SGCZ: variants seen among roughly 807,000 people sequenced by gnomAD.
SGCZ encodes the protein zeta-sarcoglycan.
Under a neutral mutation model 41.3 loss-of-function variants are expected in SGCZ, and 40 were observed. The observed-to-expected ratio is 0.97, with a 90% CI of 0.75 to 1.26. The LOEUF is 1.26. Among genes scored for constraint, SGCZ ranks in the 50% most tolerant of loss-of-function variants. The pLI, the probability that SGCZ is intolerant of heterozygous loss-of-function variation, is 0.00. For synonymous variants in SGCZ, 206 were observed against 137.5 expected, an observed-to-expected ratio of 1.50 and a Z score of -3.49; for missense variants, 552 against 369.8, an observed-to-expected ratio of 1.49 and a Z score of -4.04.
At chr8:14,848,583 A>C (rs1803214580) in intron 1 of SGCZ, among the ~76,000 whole-genome samples, 3 of 152,240 alleles carry the variant, frequency 2.0e-5, no homozygotes, top group Admixed American at 2.0e-4. Flanking sequence ...AAAGATGCAA[A>C]GGTATTTCCA....
intron 4 of SGCZ, among the ~76,000 whole-genome samples, chr8:14,225,240 A>C (rs1806332087): frequency 6.6e-6 from 1 of 152,102 alleles, no homozygotes; most frequent in Non-Finnish European, 1.5e-5. Context: ...AGCAGAGGTG[A>C]CCTATTTAAT....
intron 1 of SGCZ, among the ~76,000 whole-genome samples, chr8:14,798,763 T>G (rs1184212426): frequency 6.6e-6 from 1 of 152,098 alleles, no homozygotes; most frequent in Non-Finnish European, 1.5e-5. Context: ...TAAGACAGCA[T>G]GTACCTAAAT....
chr8:14,093,205 A>G (rs925330274), intron 7 of SGCZ, among the ~76,000 whole-genome samples: 4 of 152,032 alleles, frequency 2.6e-5, no homozygotes, highest in African/African-American at 4.8e-5. Context: ...GCCCTCCCTC[A>G]TCTAAATTCC....
At chr8:14,941,246 G>A (rs972199627) in intron 1 of SGCZ, among the ~76,000 whole-genome samples, 5 of 152,000 alleles carry the variant, frequency 3.3e-5, no homozygotes, top group African/African-American at 1.2e-4. Context: ...ATACCATTTA[G>A]GGGGAACTAT....
At chr8:14,518,291 C>A (rs535441981) in intron 2 of SGCZ, among the ~76,000 whole-genome samples, 1 of 152,078 alleles carries the variant, frequency 6.6e-6, no homozygotes, top group South Asian at 2.1e-4. Context: ...AAGAAAATGA[C>A]ATATTCTAAT....
rs576552059 is a variant in SGCZ at position 14,835,548 on chromosome 8, G to C, written c.40-280622C>G. Reference sequence around the variant, plus strand: ...AGCATCTCTCCAACCTTGACACACCGCTTACCTGCTTTTCCAGATCATTAA... The same window carrying C: ...AGCATCTCTCCAACCTTGACACACCCCTTACCTGCTTTTCCAGATCATTAA... On this transcript the variant is annotated intron_variant, in intron 1 of 7. Coordinates refer to ENST00000382080, the MANE Select transcript of SGCZ (RefSeq NM_139167.4). Among the ~76,000 whole-genome samples, 37 of 152,230 alleles carry C rather than the reference G, an allele frequency of 2.4e-4. 1 individual carries two copies. Among genetic ancestry groups the C allele is most frequent in the Admixed American group, 1.3e-3 (20 of 15,290 alleles).
At chr8:14,744,768 A>G (rs1447706572) in intron 1 of SGCZ, among the ~76,000 whole-genome samples, 1 of 152,182 alleles carries the variant, frequency 6.6e-6, no homozygotes, top group Non-Finnish European at 1.5e-5. Flanking sequence ...AATACCTTTC[A>G]GTCATTCATT....
intron 4 of SGCZ, among the ~76,000 whole-genome samples, chr8:14,174,328 T>C (rs957917817): frequency 2.0e-5 from 3 of 152,164 alleles, no homozygotes; most frequent in African/African-American, 7.2e-5. Context: ...ATGCATGTAG[T>C]CACATGTACA....
chr8:14,612,573 T>G (rs1377701588), intron 1 of SGCZ, among the ~76,000 whole-genome samples: 1 of 152,180 alleles, frequency 6.6e-6, no homozygotes, highest in Admixed American at 6.5e-5. Context: ...AGAACCTAGA[T>G]TATTTTCCCC....
At chr8:14,354,963 G>C (rs1803241718) in intron 2 of SGCZ, among the ~76,000 whole-genome samples, 1 of 151,788 alleles carries the variant, frequency 6.6e-6, no homozygotes, top group Non-Finnish European at 1.5e-5. Flanking sequence ...AGTTTTCTTA[G>C]TTCAATATTA....
rs145676178 is a variant in SGCZ, at chr8:14,579,903, T to A, written c.40-24977A>T. 6.0e-3 allele frequency among the ~76,000 whole-genome samples: 910 copies of A among 152,250 alleles called. 11 individuals are homozygous for A. The highest frequency in any genetic ancestry group is 0.021 in the African/African-American group (865 of 41,550). On this transcript the variant is annotated intron_variant, in intron 1 of 7. Coordinates refer to ENST00000382080, the MANE Select transcript of SGCZ (RefSeq NM_139167.4). ...AAGTTCCCCTGAGTCTAAGCAGATG[T>A]TTTATGTGCCAGAGAGTGTGAAGGT...
intron 1 of SGCZ, among the ~76,000 whole-genome samples, chr8:15,115,554 A>G (rs984608181): frequency 1.3e-5 from 2 of 152,244 alleles, no homozygotes; most frequent in African/African-American, 4.8e-5. Flanking sequence ...ACTTGAATTG[A>G]AAACATATGT....
chr8:14,484,471 G>T (rs1436235294), intron 2 of SGCZ, among the ~76,000 whole-genome samples: 3 of 151,894 alleles, frequency 2.0e-5, no homozygotes, highest in Non-Finnish European at 4.4e-5. Context: ...AACTTGCATT[G>T]ATGTGATTTT....
At chr8:14,707,348 A>C (rs1809366236) in intron 1 of SGCZ, among the ~76,000 whole-genome samples, 1 of 152,044 alleles carries the variant, frequency 6.6e-6, no homozygotes, top group African/African-American at 2.4e-5. Context: ...GCCATTAGAA[A>C]ATTTAACAAA....
chr8:14,609,748 G>T (rs1805866255), intron 1 of SGCZ, among the ~76,000 whole-genome samples: 1 of 152,120 alleles, frequency 6.6e-6, no homozygotes, highest in Admixed American at 6.6e-5. Context: ...TGATAAAGGT[G>T]CTTTCTAAAA....
intron 2 of SGCZ, among the ~76,000 whole-genome samples, chr8:14,341,175 T>C (rs913098015): frequency 1.3e-5 from 2 of 152,220 alleles, no homozygotes; most frequent in Admixed American, 6.5e-5. Flanking sequence ...TTTGTTTATC[T>C]GTCAATGAGC....
At chr8:14,929,270 C>G (rs574871115) in intron 1 of SGCZ, among the ~76,000 whole-genome samples, 69 of 152,256 alleles carry the variant, frequency 4.5e-4, no homozygotes, top group African/African-American at 1.7e-3. Context: ...GGATTACAGG[C>G]GTGAACCACT....
At chr8:15,020,658 T>A (rs1475256268) in intron 1 of SGCZ, among the ~76,000 whole-genome samples, 1 of 152,202 alleles carries the variant, frequency 6.6e-6, no homozygotes, top group East Asian at 1.9e-4. Context: ...CATGCTCCTT[T>A]CTAATAGAGT....
At chr8:14,527,186 A>G (rs1274058701) in intron 2 of SGCZ, among the ~76,000 whole-genome samples, 1 of 152,208 alleles carries the variant, frequency 6.6e-6, no homozygotes, top group East Asian at 1.9e-4. Context: ...TAGAAAAGAA[A>G]GTATTAATAT....
Sources: gnomAD v4.1 joint callset for allele counts (sites outside exome capture counted in the v4.1 genomes callset) on GRCh38, gnomAD v4.1.1 for gene constraint, MANE v1.5 for transcripts, NCBI Gene and HGNC (gene_info 2026-07-23, HGNC 2026-07-21) for gene names.